Variants in MED15 observed in about 807,000 individuals in gnomAD.
MED15 encodes mediator complex subunit 15.
Under a neutral mutation model 118.7 loss-of-function variants are expected in MED15, and 41 were observed. The observed-to-expected ratio is 0.35, with a 90% confidence interval of 0.27 to 0.45. The LOEUF (loss-of-function observed/expected upper bound fraction) is 0.45, where lower values mean the gene tolerates loss of function less well. Among genes scored for constraint, MED15 ranks in the 20% least tolerant of loss-of-function variants. MED15 has a pLI of 1.00. For synonymous variants in MED15, 436 were observed against 413.9 expected (o/e 1.05, Z -0.65); for missense variants, 740 against 1,025.5 (o/e 0.72, Z 3.80).
At chr22:20,561,460 C>T (rs943673144) in intron 5 of MED15, among the ~76,000 whole-genome samples, 5 of 151,104 alleles carry the variant, frequency 3.3e-5, no homozygotes, top group African/African-American at 1.2e-4. Flanking sequence ...GCGGAGGTTG[C>T]AGTGAACCGA....
At chr22:20,529,366 G>C (rs2054772926) in intron 1 of MED15, among the ~76,000 whole-genome samples, 1 of 152,004 alleles carries the variant, frequency 6.6e-6, no homozygotes, top group South Asian at 2.1e-4. Flanking sequence ...TCTTGCCTCA[G>C]CTTCCCAAGT....
chr22:20,515,301 TGAGGAAAATGAGACCTA>T (rs1230163518), intron 1 of MED15, among the ~76,000 whole-genome samples: 6 of 152,156 alleles, frequency 3.9e-5, no homozygotes, highest in African/African-American at 1.4e-4. Context: ...ATTTATAAGA[TGAGGAAAATGAGACCTA>T]GAGGAGAGGC....
At chr22:20,555,878 C>T (rs571734291) in intron 5 of MED15, among the ~76,000 whole-genome samples, 20 of 152,310 alleles carry the variant, frequency 1.3e-4, no homozygotes, top group Middle Eastern at 6.8e-3. Context: ...CACAGCACCG[C>T]GCCCGGCTAA....
chr22:20,513,126 C>T (rs2054133643), intron 1 of MED15, among the ~76,000 whole-genome samples: 1 of 151,972 alleles, frequency 6.6e-6, no homozygotes, highest in Non-Finnish European at 1.5e-5. Flanking sequence ...GGCTGGAGTG[C>T]AGTTGGTATG....
intron 3 of MED15, 134 bp from the exon 4 acceptor site, chr22:20,553,011 A>T (rs2055842146): frequency 4.0e-6 from 3 of 747,478 alleles, no homozygotes; most frequent in Middle Eastern, 2.4e-4. Context: ...CACTTCCCCC[A>T]GTAGTGGGGA....
rs189356906 is a variant in MED15 at position 20,575,612 on chromosome 22, C to A, written c.1272+380C>A. ...TTAGGCCGGGCACAGGGGCTTATGGCTATAATCTCAACACCTCAGGAGGCC... is the reference window on the plus strand; with the variant it reads ...TTAGGCCGGGCACAGGGGCTTATGGATATAATCTCAACACCTCAGGAGGCC... On this transcript the variant is annotated intron_variant, in intron 9 of 17. Transcript: ENST00000263205. 3.7e-3 allele frequency among the ~76,000 whole-genome samples: 560 copies of A among 152,092 alleles called. 5 individuals carry two copies. Among genetic ancestry groups the A allele is most frequent in the African/African-American group, 0.013 (521 of 41,508 alleles).
intron 9 of MED15, among the ~76,000 whole-genome samples, chr22:20,579,999 C>T (rs2056932435): frequency 6.6e-6 from 1 of 152,120 alleles, no homozygotes; most frequent in East Asian, 1.9e-4. Flanking sequence ...CTTCTCATCC[C>T]AGGTGCTGGA....
intron 8 of MED15, among the ~76,000 whole-genome samples, chr22:20,570,314 C>T (rs2080194): frequency 6.6e-6 from 1 of 152,002 alleles, no homozygotes; most frequent in African/African-American, 2.4e-5. Flanking sequence ...TGAGCCAATG[C>T]GCCCGGCTGG....
chr22:20,525,830 C>T (rs974104064), intron 1 of MED15, among the ~76,000 whole-genome samples: 1 of 152,102 alleles, frequency 6.6e-6, no homozygotes, highest in African/African-American at 2.4e-5. Context: ...GCCCCTGCAC[C>T]CGGCCACGTG....
At chr22:20,543,254 C>T (rs1267511196) in intron 2 of MED15, among the ~76,000 whole-genome samples, 8 of 122,244 alleles carry the variant, frequency 6.5e-5, no homozygotes, top group Admixed American at 2.3e-4. Context: ...CTCTCTCGCC[C>T]AGGCTGGAGT....
chr22:20,564,529 ACAGCAGCAGCAGCAGCAG>A lies in MED15; in HGVS notation c.537_554del (p.Gln183_Gln188del). 2.5e-6 allele frequency: 4 copies of A among 1,592,890 alleles called. No homozygotes were observed. Among genetic ancestry groups the A allele is most frequent in the Non-Finnish European group, 2.6e-6 (3 of 1,162,996 alleles). On this transcript the variant is annotated inframe_deletion, in exon 6 of 18. Coordinates refer to ENST00000263205, the MANE Select transcript of MED15 (RefSeq NM_001003891.3). ...TCCAGCAGCAGCAGCAGGCGGCGCTACAGCAGCAGCAGCAGCAGCAGCAACAGCAGCAGTTCCAGGCTC... is the reference window on the plus strand; with the variant it reads ...TCCAGCAGCAGCAGCAGGCGGCGCTACAGCAACAGCAGCAGTTCCAGGCTC...
intron 2 of MED15, 166 bp from the exon 3 acceptor site, chr22:20,551,270 G>A (rs759741610): frequency 9.2e-6 from 7 of 762,282 alleles, no homozygotes; most frequent in South Asian, 5.5e-5. Flanking sequence ...GAGCACTGAC[G>A]GCTCTCTTCC....
Position 20,545,693 on chromosome 22 carries a change from T to G in MED15, c.157-5743T>G, listed in dbSNP as rs1175656487. Among the ~76,000 whole-genome samples the G allele has an allele frequency of 1.3e-5, 2 of 152,080 alleles. 1 individual carries two copies. The highest frequency in any genetic ancestry group is 3.9e-4 in the East Asian group (2 of 5,188). On this transcript the variant is annotated intron_variant, in intron 2 of 17. Coordinates refer to ENST00000263205, the MANE Select transcript of MED15 (RefSeq NM_001003891.3). The stretch of plus-strand genomic sequence containing the variant: ...GCCAGGTCAGGGCCGTGTGGTTTCC[T>G]TGGGTGGGGGGCACTGCTGGGGCTG...
intron 1 of MED15, among the ~76,000 whole-genome samples, chr22:20,519,483 T>C (rs182947321): frequency 5.5e-4 from 84 of 151,464 alleles, no homozygotes; most frequent in Admixed American, 2.2e-3. Flanking sequence ...TTGCCCAGGC[T>C]GGAGTGCAGT....
chr22:20,547,649 C>T (rs1317301979), intron 2 of MED15, among the ~76,000 whole-genome samples: 1 of 151,884 alleles, frequency 6.6e-6, no homozygotes, highest in African/African-American at 2.4e-5. Context: ...GAAACCCCGT[C>T]TCCACTAAAA....
At chr22:20,508,610 T>G (rs2053957635) in intron 1 of MED15, among the ~76,000 whole-genome samples, 1 of 152,032 alleles carries the variant, frequency 6.6e-6, no homozygotes, top group Non-Finnish European at 1.5e-5. Context: ...CAAAGTACAT[T>G]CTCAAGGGTG....
intron 1 of MED15, among the ~76,000 whole-genome samples, chr22:20,522,448 A>G (rs562111351): frequency 6.6e-6 from 1 of 152,326 alleles, no homozygotes; most frequent in South Asian, 2.1e-4. Flanking sequence ...GGAAAGGATG[A>G]TTAAAAAAAG....
rs1296763267 is a variant in MED15 at position 20,555,059 on chromosome 22, A to G, written c.362A>G (p.Gln121Arg). 1 of 1,612,876 alleles carries G rather than the reference A, an allele frequency of 6.2e-7. No individual in the cohort carries two copies. The highest frequency in any genetic ancestry group is 8.5e-7 in the Non-Finnish European group (1 of 1,179,974). ...GGMGSLGAMGQPMSLSGQPPP... is the reference protein window; with the variant it reads ...GGMGSLGAMGRPMSLSGQPPP... ...ATGGGTAGCCTTGGTGCCATGGGAC[A>G]GCCAATGTCTCTCTCAGGGCAGCCG... Residue 121 changes from glutamine (Q) to arginine (R), a missense_variant, in exon 5 of 18, where the codon CAG (glutamine) becomes CGG (arginine). Physicochemically the swap from Gln to Arg is conservative, Grantham distance 43. Around this residue, in one of 7 missense-constraint regions of MED15, gnomAD observed 117 missense variants for 124.6 expected, o/e 0.94. Coordinates refer to ENST00000263205, the MANE Select transcript of MED15 (RefSeq NM_001003891.3).
Position 20,586,728 on chromosome 22 carries a change from A to G in MED15, c.*24A>G. 6.2e-7 allele frequency: 1 copy of G among 1,610,758 alleles called. No individual in the cohort carries two copies. ...AGCCAAGACTGCAGGGATGGCCCGC[A>G]GCCTCATCGGGGCCAAGGACACACG... On this transcript the variant is annotated 3_prime_UTR_variant, in exon 18 of 18. Coordinates refer to ENST00000263205, the MANE Select transcript of MED15 (RefSeq NM_001003891.3).
Sources: gnomAD v4.1 joint callset for allele counts (sites outside exome capture counted in the v4.1 genomes callset) on GRCh38, gnomAD v4.1.1 for gene constraint, gnomAD v4.1.1 regional missense constraint, MANE v1.5 for transcripts, NCBI Gene and HGNC (gene_info 2026-07-23, HGNC 2026-07-21) for gene names.